Variants in SPTBN2 observed in about 807,000 individuals in gnomAD.
SPTBN2 encodes the protein spectrin beta chain, non-erythrocytic 2.
SPTBN2 carries 107 observed loss-of-function variants against 284.2 expected under a neutral mutation model. That is an observed-to-expected ratio of 0.38 (90% CI 0.32 to 0.44). The LOEUF is 0.44. SPTBN2 is among the 20% of genes least tolerant of loss of function. SPTBN2 has a pLI of 1.00. For synonymous variants in SPTBN2, 1,289 were observed against 1,354.8 expected (o/e 0.95, Z 1.07); for missense variants, 2,569 against 3,287.1 (o/e 0.78, Z 5.34).
chr11:66,707,482 C>T lies in SPTBN2; in HGVS notation c.1653+34G>A. 1.3e-6 allele frequency: 2 copies of T among 1,569,256 alleles called. No individual in the cohort carries two copies. The highest frequency in any genetic ancestry group is 8.6e-7 in the Non-Finnish European group (1 of 1,157,854). ...CTGTGGGGCCCCCTCGACTCTTGAT[C>T]ACTCTTACCCCACCCAGCACGCCTC... On this transcript the variant is annotated intron_variant, in intron 13 of 37. Coordinates refer to ENST00000533211, the MANE Select transcript of SPTBN2 (RefSeq NM_006946.4). The surrounding 1 kb of genome is among the most constrained non-coding windows in gnomAD (Gnocchi z 4.9).
At chr11:66,742,197 C>A (rs1646515463) in intron 1 of SPTBN2, among the ~76,000 whole-genome samples, 1 of 152,152 alleles carries the variant, frequency 6.6e-6, no homozygotes, top group South Asian at 2.1e-4. Flanking sequence ...TACAAGATTA[C>A]AAAATTGGGA....
At chr11:66,701,750 T>C (rs761062721) in intron 15 of SPTBN2, 29 bp from the exon 16 acceptor site, 166 of 1,613,848 alleles carry the variant, frequency 1.0e-4, no homozygotes, top group Middle Eastern at 3.3e-4. Context: ...CAGGCGTGAA[T>C]TGTGGGAGGC....
At chr11:66,709,981 G>T (rs1941770089) in intron 10 of SPTBN2, among the ~76,000 whole-genome samples, 1 of 152,210 alleles carries the variant, frequency 6.6e-6, no homozygotes. Flanking sequence ...CATGACACCT[G>T]ATCAGTAATC....
At chr11:66,709,673 G>A (rs1341470881) in intron 10 of SPTBN2, among the ~76,000 whole-genome samples, 2 of 152,130 alleles carry the variant, frequency 1.3e-5, no homozygotes, top group Non-Finnish European at 2.9e-5. Context: ...AGGTTAAAGG[G>A]TACACCTTAA....
intron 8 of SPTBN2, 82 bp from the exon 9 acceptor site, chr11:66,711,111 C>T: frequency 8.9e-7 from 1 of 1,128,072 alleles, no homozygotes; most frequent in Admixed American, 1.8e-5. Flanking sequence ...CTGGGCCTGC[C>T]CAGTCCTCCA....
At chr11:66,734,411 C>G (rs2135607021) in intron 1 of SPTBN2, among the ~76,000 whole-genome samples, 1 of 152,284 alleles carries the variant, frequency 6.6e-6, no homozygotes, top group Non-Finnish European at 1.5e-5. Context: ...GCTTACCTCT[C>G]CAGCCTGGTC....
chr11:66,731,244 A>G (rs1394409985), upstream of SPTBN2, among the ~76,000 whole-genome samples: 1 of 152,194 alleles, frequency 6.6e-6, no homozygotes, highest in African/African-American at 2.4e-5. Context: ...TAAAGAGAAC[A>G]CTGAGATCAC....
At position 66,685,567 on chromosome 11, in the gene SPTBN2, G is replaced by T. The variant is rs1226372995; in HGVS notation, c.*304C>A. On this transcript the variant is annotated 3_prime_UTR_variant, in exon 38 of 38. Coordinates refer to ENST00000533211, the MANE Select transcript of SPTBN2 (RefSeq NM_006946.4). This position sits in a 1 kb window ranked among gnomAD's most constrained non-coding sequence, Gnocchi z 4.4. ...CACTCCCCACATGGCCTATGTTGAGGGTGCGGCACTGTCCACACCGTGGTG... is the reference window on the plus strand; with the variant it reads ...CACTCCCCACATGGCCTATGTTGAGTGTGCGGCACTGTCCACACCGTGGTG... 9.9e-6 allele frequency: 4 copies of T among 404,316 alleles called. No individual in the cohort carries two copies. The highest frequency in any genetic ancestry group is 1.9e-5 in the Non-Finnish European group (4 of 213,092). 25.0% of individuals were successfully genotyped at this position (404,316 alleles called of 1,614,324 possible).
At chr11:66,721,917 G>A (rs913022192) in intron 1 of SPTBN2, among the ~76,000 whole-genome samples, 1 of 152,016 alleles carries the variant, frequency 6.6e-6, no homozygotes, top group Non-Finnish European at 1.5e-5. Flanking sequence ...CGTAGTGGCA[G>A]GCGCCTGTAA....
In SPTBN2 at chr11:66,721,397, TGGAAA is replaced by T; in HGVS notation, c.-75_-71del. 1 of 1,007,254 alleles carries T rather than the reference TGGAAA, an allele frequency of 9.9e-7. No individual in the cohort carries two copies. 62.4% of individuals were successfully genotyped at this position (1,007,254 alleles called of 1,614,324 possible). ...CCAGAGGCTGCGGTTGGCTGCTCAG[TGGAAA>T]TCAGCCCCCAGGGGAAGAGGGGAAG... On this transcript the variant is annotated 5_prime_UTR_variant, in exon 2 of 38. Coordinates refer to ENST00000533211, the MANE Select transcript of SPTBN2 (RefSeq NM_006946.4).
chr11:66,688,390 C>T, intron 31 of SPTBN2, 79 bp from the exon 32 acceptor site: 3 of 1,543,652 alleles, frequency 1.9e-6, no homozygotes, highest in Admixed American at 2.0e-5. Flanking sequence ...TGAAATGTCT[C>T]AACTCTAATT....
chr11:66,698,417 G>T (rs1194838431), intron 20 of SPTBN2, among the ~76,000 whole-genome samples: 1 of 152,178 alleles, frequency 6.6e-6, no homozygotes, highest in Non-Finnish European at 1.5e-5. Flanking sequence ...CTGCAGTTTC[G>T]CTACCTGCTA....
Position 66,687,796 on chromosome 11 carries a change from C to A in SPTBN2, c.6501+72G>T, listed in dbSNP as rs1351501262. 11 of 1,603,436 alleles carry A rather than the reference C, an allele frequency of 6.9e-6. No homozygotes were observed. In the South Asian group the frequency reaches 7.7e-5, roughly 11 times the overall value. ...TCCCATCCCATCCCCAGTACTCCCC[C>A]ACCCGCACTCACCACCCCCTCTGGA... On this transcript the variant is annotated intron_variant, in intron 34 of 37. Transcript: ENST00000533211. This position sits in a 1 kb window ranked among gnomAD's most constrained non-coding sequence, Gnocchi z 5.2.
At chr11:66,703,232 A>G (rs932424102) in intron 15 of SPTBN2, among the ~76,000 whole-genome samples, 5 of 151,460 alleles carry the variant, frequency 3.3e-5, no homozygotes, top group Non-Finnish European at 7.4e-5. Context: ...GGCGCCTGCC[A>G]CCATGCCTGG....
chr11:66,722,501 A>G lies in SPTBN2; in HGVS notation c.-113-1061T>C, dbSNP rs192465246. ...TGAGGCAGGAGAATGGCGTGAACCC[A>G]GGAGGCGGAGCTTGCAGTGAGCCGA... On this transcript the variant is annotated intron_variant, in intron 1 of 37. Transcript: ENST00000533211. Among the ~76,000 whole-genome samples the G allele has an allele frequency of 8.9e-3, 1,317 of 147,192 alleles. 19 individuals are homozygous for G. Among genetic ancestry groups the G allele is most frequent in the African/African-American group, 0.031 (1,220 of 39,870 alleles).
At chr11:66,686,502 G>A in intron 36 of SPTBN2, 62 bp from the exon 37 acceptor site, 1 of 1,589,630 alleles carries the variant, frequency 6.3e-7, no homozygotes. Context: ...GTAGCTGCTG[G>A]TGAGAGCGTA....
At position 66,688,730 on chromosome 11, in the gene SPTBN2, T is replaced by G; in HGVS notation, c.6154A>C (p.Ile2052Leu). 6.2e-7 allele frequency: 1 copy of G among 1,613,834 alleles called. No individual in the cohort carries two copies. The highest frequency in any genetic ancestry group is 8.5e-7 in the Non-Finnish European group (1 of 1,180,030). ...TTCTGGAAGGCCTCGTGCCGCTTGATGAGGCTCTCAACTTCGTCGACCGTG... is the reference window on the plus strand; with the variant it reads ...TTCTGGAAGGCCTCGTGCCGCTTGAGGAGGCTCTCAACTTCGTCGACCGTG... ...GCTVDEVESL[I>L]KRHEAFQKSA... The change falls in exon 31 of 38, where the codon ATC becomes CTC. Residue 2052 changes from isoleucine to leucine, a missense_variant. Around this residue, in one of 6 missense-constraint regions of SPTBN2, gnomAD observed 1,130 missense variants for 1,317.3 expected, o/e 0.86. Transcript: ENST00000533211.
chr11:66,730,234 G>C (rs1056490485), upstream of SPTBN2, among the ~76,000 whole-genome samples: 5 of 152,160 alleles, frequency 3.3e-5, no homozygotes, highest in Non-Finnish European at 7.4e-5. Flanking sequence ...ACCAACCTGT[G>C]CATGACGGTC....
chr11:66,718,895 G>A lies in SPTBN2; in HGVS notation c.157+2189C>T, dbSNP rs1366402123. Among the ~76,000 whole-genome samples, 3 of 152,234 alleles carry A rather than the reference G, an allele frequency of 2.0e-5. No individual in the cohort carries two copies. The highest frequency in any genetic ancestry group is 4.4e-5 in the Non-Finnish European group (3 of 68,038). The stretch of plus-strand genomic sequence containing the variant: ...GGGGAGGGGAGAGAGGCGGAGTGTG[G>A]CCGGCGGGGGCAGGGCCAGGCCCTG... On this transcript the variant is annotated intron_variant, in intron 3 of 37. Transcript: ENST00000533211. The surrounding 1 kb of genome is among the most constrained non-coding windows in gnomAD (Gnocchi z 4.8).
Sources: gnomAD v4.1 joint callset for allele counts (sites outside exome capture counted in the v4.1 genomes callset) on GRCh38, gnomAD v4.1.1 for gene constraint, gnomAD v4.1.1 regional missense constraint, Gnocchi (gnomAD v3.1) non-coding constraint, MANE v1.5 for transcripts, NCBI Gene and HGNC (gene_info 2026-07-23, HGNC 2026-07-21) for gene names.